The following DACH1 variants were observed in gnomAD, a reference collection of about 807,000 sequenced individuals.
DACH1 encodes the protein dachshund family transcription factor 1.
A neutral mutation model predicts 54.2 loss-of-function variants in DACH1; 12 were observed. The observed-to-expected ratio is 0.22, with a 90% CI of 0.14 to 0.36. The LOEUF (loss-of-function observed/expected upper bound fraction) is 0.36. Among genes scored for constraint, DACH1 ranks in the 10% least tolerant of loss-of-function variants. The pLI is 1.00. For synonymous variants in DACH1, 386 were observed against 366.2 expected (o/e 1.05, Z -0.62); for missense variants, 805 against 929.8 (o/e 0.87, Z 1.75).
At chr13:71,778,907 T>A (rs1490431271) in intron 1 of DACH1, among the ~76,000 whole-genome samples, 2 of 151,956 alleles carry the variant, frequency 1.3e-5, no homozygotes, top group South Asian at 4.1e-4. Flanking sequence ...TGGAGCTTTA[T>A]GTGATATTTT....
At chr13:71,458,818 GAAC>G (rs538046239) in intron 10 of DACH1, among the ~76,000 whole-genome samples, 10 of 151,764 alleles carry the variant, frequency 6.6e-5, no homozygotes, top group South Asian at 4.2e-4. Flanking sequence ...CTACCACACT[GAAC>G]AACATCTTGA....
Position 71,558,912 on chromosome 13 carries a change from C to A in DACH1, c.1435+908G>T, listed in dbSNP as rs115319309. 4.8e-3 allele frequency among the ~76,000 whole-genome samples: 733 copies of A among 152,036 alleles called. 6 individuals are homozygous for A. Among genetic ancestry groups the A allele is most frequent in the African/African-American group, 0.017 (706 of 41,518 alleles). On this transcript the variant is annotated intron_variant, in intron 5 of 10. Coordinates refer to ENST00000613252, the MANE Select transcript of DACH1 (RefSeq NM_080759.6). Reference sequence around the variant, plus strand: ...AAAGTGACTTTCTAGAAAATGCTTTCCTATTATGAAAATATTCTCGACAAC... The same window carrying A: ...AAAGTGACTTTCTAGAAAATGCTTTACTATTATGAAAATATTCTCGACAAC...
chr13:71,494,375 AC>A (rs1879238091), intron 6 of DACH1, among the ~76,000 whole-genome samples: 1 of 151,904 alleles, frequency 6.6e-6, no homozygotes, highest in Admixed American at 6.6e-5. Flanking sequence ...TTGAATTTTG[AC>A]TTTTTTTCCC....
chr13:71,663,249 T>C (rs1879625739), intron 2 of DACH1, among the ~76,000 whole-genome samples: 1 of 151,720 alleles, frequency 6.6e-6, no homozygotes, highest in Admixed American at 6.6e-5. Context: ...ACAGAGACAA[T>C]AATTCAATAA....
At position 71,866,628 on chromosome 13, in the gene DACH1, C is replaced by T; in HGVS notation, c.142G>A (p.Ala48Thr). ...CGGAACAGAGTTGGCCCAGAGGACG[C>T]CGGGGGTCCGATGGAAGGAGCCGGA... ...SSPAPSIGPP[A>T]SSGPTLFRPE... The change falls in exon 1 of 11, where the codon GCG (alanine) becomes ACG (threonine). Residue 48 changes from alanine to threonine, a missense_variant. Physicochemically the swap from Ala to Thr is moderately conservative, Grantham distance 58 (BLOSUM62 0). Coordinates refer to ENST00000613252, the MANE Select transcript of DACH1 (RefSeq NM_080759.6). The T allele has an allele frequency of 1.4e-6, 2 of 1,395,570 alleles. No individual in the cohort carries two copies. The highest frequency in any genetic ancestry group is 4.0e-5 in the South Asian group (2 of 50,508). The allele number at this position is 1,395,570 out of a possible 1,614,324, so 86.4% of individuals were successfully genotyped here. A position where few individuals can be genotyped will look rare whatever the true frequency, so the allele number is the denominator to read the frequency against.
intron 3 of DACH1, among the ~76,000 whole-genome samples, chr13:71,622,600 G>A (rs189105668): frequency 9.8e-4 from 149 of 151,774 alleles, no homozygotes; most frequent in African/African-American, 3.2e-3. Context: ...CAAACTTTAC[G>A]TAAACAGTAT....
intron 1 of DACH1, among the ~76,000 whole-genome samples, chr13:71,782,850 C>T (rs773972500): frequency 6.6e-6 from 1 of 152,074 alleles, no homozygotes; most frequent in African/African-American, 2.4e-5. Flanking sequence ...AACGAGAGGG[C>T]AGGATTTGTC....
At chr13:71,486,271 T>A (rs1041977749) in intron 7 of DACH1, among the ~76,000 whole-genome samples, 5 of 152,046 alleles carry the variant, frequency 3.3e-5, no homozygotes, top group Non-Finnish European at 7.4e-5. Flanking sequence ...CTTTAAAAAA[T>A]GGAACTTTAA....
At chr13:71,783,561 A>C (rs763957415) in intron 1 of DACH1, among the ~76,000 whole-genome samples, 3 of 152,178 alleles carry the variant, frequency 2.0e-5, no homozygotes, top group Non-Finnish European at 4.4e-5. Context: ...ATATTGTACC[A>C]GGGAACCAGA....
At chr13:71,444,320 T>A (rs1162627067) in intron 10 of DACH1, among the ~76,000 whole-genome samples, 1 of 152,148 alleles carries the variant, frequency 6.6e-6, no homozygotes, top group Non-Finnish European at 1.5e-5. Flanking sequence ...CTTAATCCCT[T>A]AATTTATTTA....
intron 3 of DACH1, among the ~76,000 whole-genome samples, chr13:71,576,158 T>C (rs1292429151): frequency 6.6e-6 from 1 of 152,108 alleles, no homozygotes; most frequent in Non-Finnish European, 1.5e-5. Flanking sequence ...AGATTCAATA[T>C]ATAAGAAATT....
rs1316073423 is a variant in DACH1, at chr13:71,439,574, A to G, written c.*1081T>C. The G allele has an allele frequency of 6.6e-6, 1 of 152,582 alleles. No homozygotes were observed. The highest frequency in any genetic ancestry group is 1.9e-4 in the East Asian group (1 of 5,184). The allele number at this position is 152,582 out of a possible 1,614,324, so 9.5% of individuals were successfully genotyped here. ...TTGATTTGCTGTTCAGCCACAATCC[A>G]TTCCCAATAGTGCAGCTTGGGGCAC... On this transcript the variant is annotated 3_prime_UTR_variant, in exon 11 of 11. Transcript: ENST00000613252.
intron 2 of DACH1, among the ~76,000 whole-genome samples, chr13:71,642,120 T>C (rs1390877453): frequency 2.0e-5 from 3 of 152,194 alleles, no homozygotes; most frequent in African/African-American, 4.8e-5. Flanking sequence ...TTTCCTAACA[T>C]CTCTTCATTT....
chr13:71,839,788 C>T (rs1019915683), intron 1 of DACH1, among the ~76,000 whole-genome samples: 1 of 152,088 alleles, frequency 6.6e-6, no homozygotes, highest in African/African-American at 2.4e-5. Context: ...ACCTTCTCCT[C>T]CTCATGATCT....
rs1281067416 is a variant in DACH1, at chr13:71,470,931, T to C, written c.2083+4210A>G. 2.6e-5 allele frequency among the ~76,000 whole-genome samples: 4 copies of C among 151,984 alleles called. No homozygotes were observed. In the South Asian group the frequency reaches 8.3e-4, roughly 32 times the overall value. On this transcript the variant is annotated intron_variant, in intron 10 of 10. Coordinates refer to ENST00000613252, the MANE Select transcript of DACH1 (RefSeq NM_080759.6). Reference sequence around the variant, plus strand: ...ATGTACAGATGTTCCTATGGAGAAATGGAAGGTGTAGTAAGAACCTCTAAG... The same window carrying C: ...ATGTACAGATGTTCCTATGGAGAAACGGAAGGTGTAGTAAGAACCTCTAAG...
intron 3 of DACH1, among the ~76,000 whole-genome samples, chr13:71,613,105 T>C (rs1457499385): frequency 6.6e-6 from 1 of 152,218 alleles, no homozygotes; most frequent in Non-Finnish European, 1.5e-5. Flanking sequence ...TGGAGCAGAC[T>C]TGAAGAACTG....
chr13:71,762,213 T>A (rs1054848721), intron 1 of DACH1, among the ~76,000 whole-genome samples: 10 of 151,948 alleles, frequency 6.6e-5, no homozygotes, highest in Admixed American at 6.6e-4. Flanking sequence ...ATCGACTTAC[T>A]CCCCCATGCC....
At chr13:71,640,327 T>C (rs971381836) in intron 2 of DACH1, among the ~76,000 whole-genome samples, 2 of 152,026 alleles carry the variant, frequency 1.3e-5, no homozygotes, top group African/African-American at 4.8e-5. Flanking sequence ...TGTTTCAGTT[T>C]TATAGAATTT....
chr13:71,566,195 C>T (rs776434665), intron 4 of DACH1, among the ~76,000 whole-genome samples: 1 of 152,174 alleles, frequency 6.6e-6, no homozygotes, highest in African/African-American at 2.4e-5. Context: ...AGCCTCTCAT[C>T]TGCAGTTCCC....
Sources: gnomAD v4.1 joint callset for allele counts (sites outside exome capture counted in the v4.1 genomes callset) on GRCh38, gnomAD v4.1.1 for gene constraint, MANE v1.5 for transcripts, NCBI Gene and HGNC (gene_info 2026-07-23, HGNC 2026-07-21) for gene names.